SORCS2: variants seen among roughly 807,000 people sequenced by gnomAD.
The protein encoded by SORCS2 is sortilin related VPS10 domain containing receptor 2.
Under a neutral mutation model 141.6 loss-of-function variants are expected in SORCS2, and 100 were observed. That is an observed-to-expected ratio of 0.71 (90% CI 0.60 to 0.83). The LOEUF is 0.83. SORCS2 is among the 40% of genes least tolerant of loss of function. The probability of loss-of-function intolerance (pLI) is 0.00; values close to 1 mark genes in which losing one functional copy is unlikely to be tolerated. For synonymous variants in SORCS2, 789 were observed against 676.9 expected (o/e 1.17, Z -2.57); for missense variants, 1,646 against 1,560.2 (o/e 1.05, Z -0.93).
chr4:7,539,152 C>A (rs1217382230), intron 3 of SORCS2, among the ~76,000 whole-genome samples: 1 of 152,188 alleles, frequency 6.6e-6, no homozygotes, highest in African/African-American at 2.4e-5. Flanking sequence ...TCACCACCCC[C>A]CAAAGCCTTC....
At chr4:7,374,194 T>C (rs1381460170) in intron 1 of SORCS2, among the ~76,000 whole-genome samples, 1 of 147,528 alleles carries the variant, frequency 6.8e-6, no homozygotes, top group Non-Finnish European at 1.5e-5. Context: ...TTTCTTTCTT[T>C]CTTTTTTGCA....
intron 10 of SORCS2, among the ~76,000 whole-genome samples, chr4:7,686,853 C>T (rs1448624249): frequency 3.3e-5 from 5 of 152,228 alleles, no homozygotes; most frequent in African/African-American, 9.6e-5. Flanking sequence ...GTCAGCAGGC[C>T]GCAAGGCGAA....
intron 1 of SORCS2, among the ~76,000 whole-genome samples, chr4:7,200,384 C>T (rs566613401): frequency 5.9e-5 from 9 of 152,238 alleles, no homozygotes; most frequent in African/African-American, 1.9e-4. Flanking sequence ...CTCCCTGCAG[C>T]GCTCAGCTGG....
intron 1 of SORCS2, among the ~76,000 whole-genome samples, chr4:7,217,637 G>A (rs956752609): frequency 7.2e-5 from 11 of 152,286 alleles, no homozygotes; most frequent in African/African-American, 1.9e-4. Context: ...TGGTGCGGCC[G>A]CCACACCCTC....
At chr4:7,723,319 G>A (rs1479283955) in intron 18 of SORCS2, among the ~76,000 whole-genome samples, 2 of 152,120 alleles carry the variant, frequency 1.3e-5, no homozygotes, top group Non-Finnish European at 2.9e-5. Context: ...CTCGCAGTGG[G>A]AGGCCCCTCA....
chr4:7,500,940 G>T (rs1221220838), intron 2 of SORCS2, among the ~76,000 whole-genome samples: 1 of 152,228 alleles, frequency 6.6e-6, no homozygotes, highest in Non-Finnish European at 1.5e-5. Flanking sequence ...TGATTCTGCC[G>T]GGAGGTTTGG....
At chr4:7,454,706 A>G (rs1165305381) in intron 2 of SORCS2, among the ~76,000 whole-genome samples, 86 of 35,732 alleles carry the variant, frequency 2.4e-3, no homozygotes, top group Admixed American at 5.6e-3. Context: ...GTCAGGCGCT[A>G]TGTTGGGGTC....
intron 3 of SORCS2, among the ~76,000 whole-genome samples, chr4:7,573,479 A>G (rs897320300): frequency 5.9e-5 from 9 of 152,174 alleles, no homozygotes; most frequent in South Asian, 2.1e-4. Flanking sequence ...ATAGAGTTCT[A>G]TTAGTTTCTT....
intron 3 of SORCS2, among the ~76,000 whole-genome samples, chr4:7,617,853 C>A (rs77122578): frequency 0.059 from 8,988 of 152,214 alleles, 308 homozygotes; most frequent in African/African-American, 0.088. Context: ...AAGTGTGCTT[C>A]CTCTGAGCCG....
chr4:7,389,131 G>A (rs1723695168), intron 1 of SORCS2, among the ~76,000 whole-genome samples: 1 of 152,220 alleles, frequency 6.6e-6, no homozygotes, highest in Admixed American at 6.5e-5. Context: ...AACAAATTCT[G>A]TTCCTGCCCA....
chr4:7,390,651 C>G (rs147671544), intron 1 of SORCS2, among the ~76,000 whole-genome samples: 1 of 152,318 alleles, frequency 6.6e-6, no homozygotes, highest in African/African-American at 2.4e-5. Context: ...GGAAGTGGCC[C>G]AGGGTCTCAG....
At chr4:7,677,136 C>T (rs1033460807) in intron 9 of SORCS2, among the ~76,000 whole-genome samples, 3 of 152,212 alleles carry the variant, frequency 2.0e-5, no homozygotes, top group South Asian at 2.1e-4. Context: ...TCACCACCTA[C>T]GAAGCTCTGG....
chr4:7,434,311 T>G (rs767917465), intron 2 of SORCS2: 5 of 1,611,684 alleles, frequency 3.1e-6, no homozygotes, highest in Non-Finnish European at 4.2e-6. Context: ...TCGGGAGACC[T>G]GCCGTACACA....
chr4:7,352,859 A>G (rs992058169), intron 1 of SORCS2, among the ~76,000 whole-genome samples: 7 of 152,192 alleles, frequency 4.6e-5, no homozygotes, highest in African/African-American at 9.7e-5. Flanking sequence ...TGGGGTGCGT[A>G]TAACTCTGAC....
At chr4:7,569,793 G>A (rs958348414) in intron 3 of SORCS2, among the ~76,000 whole-genome samples, 5 of 152,176 alleles carry the variant, frequency 3.3e-5, no homozygotes, top group African/African-American at 1.2e-4. Context: ...AATGCAGTGA[G>A]GTGCAGTGTG....
chr4:7,567,672 A>G (rs2109698915), intron 3 of SORCS2, among the ~76,000 whole-genome samples: 1 of 152,206 alleles, frequency 6.6e-6, no homozygotes, highest in East Asian at 1.9e-4. Context: ...CCCTTTGCAC[A>G]CTGCCCTCTT....
At chr4:7,443,662 G>A (rs1447972246) in intron 2 of SORCS2, among the ~76,000 whole-genome samples, 1 of 152,226 alleles carries the variant, frequency 6.6e-6, no homozygotes, top group Non-Finnish European at 1.5e-5. Flanking sequence ...AGAAACTTAG[G>A]TGTTGAGACT....
intron 7 of SORCS2, among the ~76,000 whole-genome samples, chr4:7,665,883 C>A (rs185109417): frequency 2.6e-5 from 4 of 152,310 alleles, no homozygotes; most frequent in African/African-American, 9.6e-5. Flanking sequence ...CCGGAGCTCA[C>A]CTATGGCCGA....
At chr4:7,335,547 C>G (rs565675519) in intron 1 of SORCS2, among the ~76,000 whole-genome samples, 5 of 152,148 alleles carry the variant, frequency 3.3e-5, no homozygotes, top group Admixed American at 2.6e-4. Context: ...CCTCATCTGT[C>G]GGGGCACCCG....
Sources: gnomAD v4.1 joint callset for allele counts (sites outside exome capture counted in the v4.1 genomes callset) on GRCh38, gnomAD v4.1.1 for gene constraint, MANE v1.5 for transcripts, NCBI Gene and HGNC (gene_info 2026-07-23, HGNC 2026-07-21) for gene names.